Variants in TBCA observed in about 807,000 individuals in gnomAD.
TBCA encodes tubulin-specific chaperone A.
Under a neutral mutation model 15.8 loss-of-function variants are expected in TBCA, and 6 were observed. The observed-to-expected ratio is 0.38, with a 90% confidence interval of 0.21 to 0.75. The LOEUF (loss-of-function observed/expected upper bound fraction) is 0.75. Among genes scored for constraint, TBCA ranks in the 30% least tolerant of loss-of-function variants. TBCA has a pLI of 0.46. For missense variants in TBCA, 90 were observed against 131.2 expected, an observed-to-expected ratio of 0.69 and a Z score of 1.53; for synonymous variants, 32 against 42.3, an observed-to-expected ratio of 0.76 and a Z score of 0.94.
At chr5:77,718,608 C>T (rs1746459285) in intron 1 of TBCA, among the ~76,000 whole-genome samples, 1 of 152,136 alleles carries the variant, frequency 6.6e-6, no homozygotes, top group African/African-American at 2.4e-5. Flanking sequence ...AGTCATTTTC[C>T]ACCAATCCTT....
At chr5:77,712,128 T>C (rs1057362027) in intron 1 of TBCA, among the ~76,000 whole-genome samples, 5 of 152,144 alleles carry the variant, frequency 3.3e-5, no homozygotes, top group African/African-American at 7.2e-5. Flanking sequence ...CAGATGATGC[T>C]AAAGAGGTTT....
chr5:77,756,361 C>T (rs1401426092), intron 1 of TBCA, among the ~76,000 whole-genome samples: 6 of 150,894 alleles, frequency 4.0e-5, no homozygotes, highest in Non-Finnish European at 8.9e-5. Context: ...GCACAAGTCA[C>T]AAGGGGTAAA....
At chr5:77,731,541 T>A (rs1746769542) in intron 1 of TBCA, among the ~76,000 whole-genome samples, 1 of 152,216 alleles carries the variant, frequency 6.6e-6, no homozygotes, top group African/African-American at 2.4e-5. Context: ...GTAAATTTCC[T>A]GATTATATTC....
At chr5:77,756,415 C>A (rs1326088542) in intron 1 of TBCA, among the ~76,000 whole-genome samples, 3 of 152,158 alleles carry the variant, frequency 2.0e-5, no homozygotes, top group Non-Finnish European at 4.4e-5. Flanking sequence ...TCAGAGGCAC[C>A]TTCTGGTTGG....
chr5:77,732,806 CG>C (rs1746805123), intron 1 of TBCA, among the ~76,000 whole-genome samples: 1 of 152,100 alleles, frequency 6.6e-6, no homozygotes, highest in African/African-American at 2.4e-5. Flanking sequence ...CAAACTCAAT[CG>C]ATGAATGTGT....
At chr5:77,712,720 G>A (rs1311627597) in intron 1 of TBCA, among the ~76,000 whole-genome samples, 9 of 152,136 alleles carry the variant, frequency 5.9e-5, no homozygotes, top group Non-Finnish European at 8.8e-5. Flanking sequence ...CCTCAAATGA[G>A]ATAAAATGAT....
intron 1 of TBCA, among the ~76,000 whole-genome samples, chr5:77,710,686 A>G (rs1300849725): frequency 6.6e-6 from 1 of 152,198 alleles, no homozygotes; most frequent in Non-Finnish European, 1.5e-5. Flanking sequence ...GTTGTCTCCT[A>G]TAGATGGGTC....
intron 1 of TBCA, among the ~76,000 whole-genome samples, chr5:77,767,523 A>G (rs1747808214): frequency 6.6e-6 from 1 of 152,230 alleles, no homozygotes; most frequent in South Asian, 2.1e-4. Context: ...ACTTAATGAT[A>G]GTCCAATAAA....
chr5:77,727,282 C>CT (rs1246526903), intron 1 of TBCA, among the ~76,000 whole-genome samples: 6 of 149,862 alleles, frequency 4.0e-5, no homozygotes, highest in Non-Finnish European at 7.4e-5. Context: ...GGAGGAGCCA[C>CT]TTTAAGTTTT....
intron 1 of TBCA, among the ~76,000 whole-genome samples, chr5:77,720,655 AGTGAG>A (rs1460743156): frequency 5.9e-4 from 90 of 152,298 alleles, no homozygotes; most frequent in African/African-American, 2.0e-3. Context: ...CTGAGGTTGC[AGTGAG>A]CTGAGATCAC....
chr5:77,765,273 T>TA (rs1747743597), intron 1 of TBCA, among the ~76,000 whole-genome samples: 1 of 152,230 alleles, frequency 6.6e-6, no homozygotes, highest in Admixed American at 6.5e-5. Context: ...GCAAATGTCT[T>TA]AGTTACTATA....
intron 1 of TBCA, chr5:77,715,358 G>A (rs1419929937): frequency 4.4e-6 from 3 of 687,420 alleles, no homozygotes; most frequent in Non-Finnish European, 7.9e-6. Flanking sequence ...CTGTGCTATA[G>A]GCCTGAAAAA....
At chr5:77,727,305 T>A (rs890971376) in intron 1 of TBCA, among the ~76,000 whole-genome samples, 1 of 150,302 alleles carries the variant, frequency 6.7e-6, no homozygotes, top group African/African-American at 2.5e-5. Flanking sequence ...AGATTTAGTA[T>A]CAGAGCTACA....
chr5:77,691,979 C>T, intron 3 of TBCA: 1 of 986,194 alleles, frequency 1.0e-6, no homozygotes, highest in African/African-American at 1.7e-5. Flanking sequence ...AAATGAATTG[C>T]CTGCTTGCTA....
intron 1 of TBCA, among the ~76,000 whole-genome samples, chr5:77,753,284 T>G (rs2039808940): frequency 6.6e-6 from 1 of 152,242 alleles, no homozygotes; most frequent in Non-Finnish European, 1.5e-5. Flanking sequence ...TGAGCTAGCT[T>G]CTATCAGAAT....
At chr5:77,715,380 A>AT (rs1178898107) in intron 1 of TBCA, 3 of 668,086 alleles carry the variant, frequency 4.5e-6, no homozygotes, top group Non-Finnish European at 8.1e-6. Context: ...AATCAGTCTA[A>AT]ATGAGGATCT....
intron 2 of TBCA, among the ~76,000 whole-genome samples, chr5:77,704,885 G>A (rs1411448273): frequency 6.6e-6 from 1 of 152,186 alleles, no homozygotes. Flanking sequence ...TAAGTACTAA[G>A]TTGGCTATGA....
At chr5:77,731,771 CT>C (rs1299338954) in intron 1 of TBCA, among the ~76,000 whole-genome samples, 1 of 152,102 alleles carries the variant, frequency 6.6e-6, no homozygotes, top group African/African-American at 2.4e-5. Flanking sequence ...GCCTATCAAT[CT>C]TTTCTTTATG....
At chr5:77,700,050 A>G (rs969142507) in intron 2 of TBCA, among the ~76,000 whole-genome samples, 2 of 149,734 alleles carry the variant, frequency 1.3e-5, no homozygotes, top group African/African-American at 4.9e-5. Flanking sequence ...AAAAAAAAAA[A>G]GAAAATTAGC....
Sources: gnomAD v4.1 joint callset for allele counts (sites outside exome capture counted in the v4.1 genomes callset) on GRCh38, gnomAD v4.1.1 for gene constraint, MANE v1.5 for transcripts, NCBI Gene and HGNC (gene_info 2026-07-23, HGNC 2026-07-21) for gene names.